The following MYT1L variants were observed in gnomAD, a reference collection of about 807,000 sequenced individuals.
MYT1L encodes myelin transcription factor 1-like protein.
A neutral mutation model predicts 126.7 loss-of-function variants in MYT1L; 12 were observed. The observed-to-expected ratio is 0.09, with a 90% CI of 0.06 to 0.15. MYT1L has a LOEUF of 0.15. Among genes scored for constraint, MYT1L ranks in the 10% least tolerant of loss-of-function variants. MYT1L has a pLI of 1.00. For synonymous variants in MYT1L, 541 were observed against 604.2 expected (o/e 0.90, Z 1.53); for missense variants, 979 against 1,585.2 (o/e 0.62, Z 6.49).
intron 21 of MYT1L, chr2:1,816,229 C>G (rs2037607364): frequency 1.3e-5 from 2 of 152,654 alleles, no homozygotes; most frequent in Admixed American, 6.5e-5. Flanking sequence ...ATCACACAAG[C>G]ACTTTCCAGC....
chr2:1,809,045 T>C, intron 22 of MYT1L, 31 bp downstream of exon 22: 1 of 1,606,180 alleles, frequency 6.2e-7, no homozygotes, highest in Non-Finnish European at 8.5e-7. Flanking sequence ...TTCCTGACCA[T>C]GGGTGCCACG....
intron 4 of MYT1L, among the ~76,000 whole-genome samples, chr2:2,019,317 G>A (rs991620221): frequency 1.3e-5 from 2 of 152,230 alleles, no homozygotes; most frequent in East Asian, 1.9e-4. Flanking sequence ...GCCACCATGC[G>A]AGATGTGACT....
At chr2:2,236,805 CTTCTTCTTCTTTTT>C in intron 2 of MYT1L, among the ~76,000 whole-genome samples, 1 of 8,674 alleles carries the variant, frequency 1.2e-4, no homozygotes, top group Admixed American at 1.0e-3. Flanking sequence ...TCTTCTTCTT[CTTCTTCTTCTTTTT>C]TTTTTTTTTT....
At chr2:2,292,388 A>C (rs1054706918) in intron 1 of MYT1L, among the ~76,000 whole-genome samples, 2 of 152,246 alleles carry the variant, frequency 1.3e-5, no homozygotes, top group Non-Finnish European at 2.9e-5. Flanking sequence ...TGAAATGCAC[A>C]AAAGACTTAC....
At chr2:2,008,064 T>C (rs2063494297) in intron 4 of MYT1L, among the ~76,000 whole-genome samples, 1 of 152,176 alleles carries the variant, frequency 6.6e-6, no homozygotes, top group African/African-American at 2.4e-5. Context: ...TTTTTGCATG[T>C]CTGACACCCA....
intron 3 of MYT1L, among the ~76,000 whole-genome samples, chr2:2,130,737 A>T (rs752666954): frequency 8.5e-5 from 13 of 152,234 alleles, no homozygotes; most frequent in Non-Finnish European, 1.3e-4. Flanking sequence ...TTGTGTCAAC[A>T]TAGATGCTTT....
chr2:1,911,951 C>A, intron 12 of MYT1L, 69 bp downstream of exon 12: 1 of 1,274,590 alleles, frequency 7.8e-7, no homozygotes, highest in Non-Finnish European at 1.1e-6. Context: ...TGGTAGGCCC[C>A]CCAGGAAGGA....
chr2:2,159,922 G>A (rs951771072), intron 3 of MYT1L, among the ~76,000 whole-genome samples: 28 of 152,182 alleles, frequency 1.8e-4, no homozygotes, highest in African/African-American at 6.3e-4. Context: ...AAAGCCCAAA[G>A]TGCTCAGGTG....
At chr2:2,211,811 A>AAAAAAACAAACAAAC (rs1395527381) in intron 2 of MYT1L, among the ~76,000 whole-genome samples, 1 of 148,340 alleles carries the variant, frequency 6.7e-6, no homozygotes, top group African/African-American at 2.5e-5. Context: ...GTCAAAAAAA[A>AAAAAAACAAACAAAC]AAAAAAAAAA....
chr2:2,195,703 CTT>C (rs957492253), intron 2 of MYT1L, among the ~76,000 whole-genome samples: 4 of 152,036 alleles, frequency 2.6e-5, no homozygotes. Flanking sequence ...ATAAATAAAA[CTT>C]ATCTTAAAAA....
chr2:2,081,482 G>A (rs1430603308), intron 3 of MYT1L, among the ~76,000 whole-genome samples: 1 of 152,082 alleles, frequency 6.6e-6, no homozygotes, highest in Admixed American at 6.5e-5. Context: ...GGAACTAGAG[G>A]GCCAAATGGC....
intron 1 of MYT1L, among the ~76,000 whole-genome samples, chr2:2,307,598 G>A (rs904063601): frequency 1.3e-5 from 2 of 152,018 alleles, no homozygotes; most frequent in Admixed American, 6.6e-5. Context: ...TAAACTTATC[G>A]CATAGAGACT....
intron 21 of MYT1L, among the ~76,000 whole-genome samples, chr2:1,826,682 G>C (rs534473992): frequency 4.7e-4 from 71 of 152,298 alleles, no homozygotes; most frequent in African/African-American, 1.7e-3. Context: ...GTCAGTGCAG[G>C]GCCGGCGTCG....
intron 23 of MYT1L, among the ~76,000 whole-genome samples, chr2:1,799,283 T>G (rs370511689): frequency 2.5e-4 from 38 of 152,298 alleles, no homozygotes; most frequent in Admixed American, 3.9e-4. Flanking sequence ...CAGACCTGAG[T>G]GTTTCCTGAG....
rs188911341 is a variant in MYT1L, at chr2:2,256,461, G to A, written c.-421+27943C>T. On this transcript the variant is annotated intron_variant, in intron 2 of 24. Coordinates refer to ENST00000647738, the MANE Select transcript of MYT1L (RefSeq NM_001303052.2). The stretch of plus-strand genomic sequence containing the variant: ...TTCCGTATTATCTATGCTGCTTAGC[G>A]CTACAGCAGCAGAATGGAGTAGTGG... 7.9e-5 allele frequency among the ~76,000 whole-genome samples: 12 copies of A among 152,308 alleles called. No individual in the cohort carries two copies. In the South Asian group the frequency reaches 1.2e-3, roughly 16 times the overall value.
intron 4 of MYT1L, among the ~76,000 whole-genome samples, chr2:2,052,447 T>C (rs1213581): frequency 0.029 from 4,398 of 152,220 alleles, 166 homozygotes; most frequent in African/African-American, 0.088. Context: ...ACATCAAAAC[T>C]TAAAACAACG....
intron 14 of MYT1L, among the ~76,000 whole-genome samples, chr2:1,900,591 G>A (rs913465933): frequency 3.9e-5 from 6 of 152,112 alleles, no homozygotes; most frequent in Non-Finnish European, 7.4e-5. Flanking sequence ...GAGCCCCCTC[G>A]CCCGGCCAGG....
intron 1 of MYT1L, among the ~76,000 whole-genome samples, chr2:2,308,180 A>C (rs1239164192): frequency 3.0e-4 from 39 of 129,166 alleles, no homozygotes; most frequent in East Asian, 1.2e-3. Context: ...CTTCACTATA[A>C]TCTACCTATG....
At chr2:1,906,042 C>G (rs1307867350) in intron 13 of MYT1L, among the ~76,000 whole-genome samples, 1 of 152,042 alleles carries the variant, frequency 6.6e-6, no homozygotes, top group South Asian at 2.1e-4. Flanking sequence ...TATTGTCTTG[C>G]TTTTTTATGA....
Sources: gnomAD v4.1 joint callset for allele counts (sites outside exome capture counted in the v4.1 genomes callset) on GRCh38, gnomAD v4.1.1 for gene constraint, MANE v1.5 for transcripts, NCBI Gene and HGNC (gene_info 2026-07-23, HGNC 2026-07-21) for gene names.